The following CHD2 variants were observed in gnomAD, a reference collection of about 807,000 sequenced individuals.
The protein encoded by CHD2 is chromodomain helicase DNA binding protein 2.
In CHD2, 28 loss-of-function variants were observed where a neutral mutation model predicts 243.9. That is an observed-to-expected ratio of 0.11 (90% CI 0.09 to 0.16). The LOEUF (loss-of-function observed/expected upper bound fraction) is 0.16, where lower values mean the gene tolerates loss of function less well. Among genes scored for constraint, CHD2 ranks in the 10% least tolerant of loss-of-function variants. The probability of loss-of-function intolerance (pLI) is 1.00; values close to 1 mark genes in which losing one functional copy is unlikely to be tolerated. For missense variants in CHD2, 1,386 were observed against 2,209.8 expected, an observed-to-expected ratio of 0.63 and a Z score of 7.47; for synonymous variants, 775 against 779.0, an observed-to-expected ratio of 0.99 and a Z score of 0.09.
intron 31 of CHD2, among the ~76,000 whole-genome samples, chr15:92,999,719 A>G (rs2054229965): frequency 6.6e-6 from 1 of 152,144 alleles, no homozygotes; most frequent in Non-Finnish European, 1.5e-5. Context: ...GCAATATATT[A>G]TGTGTTAGGC....
chr15:92,985,405 G>C, intron 25 of CHD2, 93 bp from the exon 26 acceptor site: 4 of 1,289,090 alleles, frequency 3.1e-6, no homozygotes, highest in Non-Finnish European at 4.2e-6. Flanking sequence ...GAGAAGTTCT[G>C]AATACTAAAG....
At chr15:92,926,549 T>C (rs1567127854) in intron 3 of CHD2, among the ~76,000 whole-genome samples, 1 of 152,230 alleles carries the variant, frequency 6.6e-6, no homozygotes, top group Non-Finnish European at 1.5e-5. Flanking sequence ...ATGATTTTTC[T>C]CCTCAACTAA....
intron 14 of CHD2, 101 bp downstream of exon 14, chr15:92,953,674 T>C: frequency 9.3e-7 from 1 of 1,071,106 alleles, no homozygotes; most frequent in South Asian, 1.4e-5. Context: ...TTGTGGTTAT[T>C]ATTCTGATAC....
At chr15:92,944,256 G>C (rs1395435811) in intron 9 of CHD2, 159 bp from the exon 10 acceptor site, 1 of 475,042 alleles carries the variant, frequency 2.1e-6, no homozygotes, top group Non-Finnish European at 3.9e-6. Flanking sequence ...TGTTTGTTTT[G>C]TTTTGTAAAA....
chr15:92,928,081 A>G (rs551555894), intron 4 of CHD2, among the ~76,000 whole-genome samples: 10 of 152,348 alleles, frequency 6.6e-5, no homozygotes, highest in Non-Finnish European at 7.4e-5. Flanking sequence ...TTAGCTATAT[A>G]ACGTACTTCT....
intron 36 of CHD2, 132 bp from the exon 37 acceptor site, chr15:93,014,564 A>G (rs549498753): frequency 1.7e-4 from 123 of 721,464 alleles, no homozygotes; most frequent in Admixed American, 3.1e-4. Context: ...TTTTTTTGTT[A>G]GGAGGTAGTA....
Position 92,955,432 on chromosome 15 carries a change from T to G in CHD2, c.1729T>G (p.Tyr577Asp), listed in dbSNP as rs2141814817. Reference protein sequence around the residue: ...DLMSRNTIREYEWIHSQTKRL... With the variant: ...DLMSRNTIREDEWIHSQTKRL... ...TGTTTTTTTCTTATAGATACGGGAA[T>G]ATGAATGGATTCATTCCCAAACCAA... Residue 577 changes from tyrosine to aspartate, a missense_variant, in exon 15 of 39, where the codon TAT becomes GAT. Tyr to Asp is a radical substitution (Grantham distance 160). This residue lies in a region of CHD2 where 63 missense variants were observed against 108.8 expected (regional missense o/e 0.58). Transcript: ENST00000394196. The G allele has an allele frequency of 6.3e-7, 1 of 1,581,830 alleles. No individual in the cohort carries two copies.
At chr15:92,942,705 T>G in intron 8 of CHD2, 138 bp from the exon 9 acceptor site, 2 of 596,038 alleles carry the variant, frequency 3.4e-6, no homozygotes, top group Non-Finnish European at 5.6e-6. Context: ...GTGTTGTTTG[T>G]GAGTTTGTAC....
chr15:92,917,533 C>G (rs1430199990), intron 2 of CHD2, among the ~76,000 whole-genome samples: 1 of 152,204 alleles, frequency 6.6e-6, no homozygotes, highest in Admixed American at 6.5e-5. Context: ...TGCACTCCAG[C>G]CTGGGCTACA....
At chr15:92,964,424 A>G (rs1175959511) in intron 16 of CHD2, among the ~76,000 whole-genome samples, 1 of 152,218 alleles carries the variant, frequency 6.6e-6, no homozygotes, top group Non-Finnish European at 1.5e-5. Flanking sequence ...TCCTCAGCAG[A>G]AGTTCCTGAG....
intron 6 of CHD2, among the ~76,000 whole-genome samples, chr15:92,939,333 T>A (rs1322539402): frequency 6.6e-6 from 1 of 152,254 alleles, no homozygotes; most frequent in Non-Finnish European, 1.5e-5. Context: ...TTGTGAAACA[T>A]TCACGTTCTT....
intron 5 of CHD2, among the ~76,000 whole-genome samples, chr15:92,933,342 T>G (rs1475386122): frequency 6.6e-6 from 1 of 152,208 alleles, no homozygotes; most frequent in Non-Finnish European, 1.5e-5. Flanking sequence ...TTTGAGAAAA[T>G]TTGGTAATGC....
intron 31 of CHD2, 58 bp from the exon 32 acceptor site, chr15:93,000,454 G>C (rs1320197082): frequency 2.0e-6 from 3 of 1,517,620 alleles, no homozygotes; most frequent in African/African-American, 2.8e-5. Flanking sequence ...ATGTTGTTTG[G>C]TTATGCTTTT....
chr15:92,908,143 A>C (rs1262942505), intron 2 of CHD2, among the ~76,000 whole-genome samples: 209 of 109,950 alleles, frequency 1.9e-3, no homozygotes, highest in Middle Eastern at 5.7e-3. Flanking sequence ...ACCCACCCCC[A>C]CTCCCCCAAG....
At position 93,026,683 on chromosome 15, in the gene CHD2, T is replaced by G. The variant is rs926929147; in HGVS notation, c.*1978T>G. 1.3e-5 allele frequency: 2 copies of G among 152,242 alleles called. No homozygotes were observed. Among genetic ancestry groups the G allele is most frequent in the African/African-American group, 4.8e-5 (2 of 41,440 alleles). The allele number at this position is 152,242 out of a possible 1,614,324, so 9.4% of individuals were successfully genotyped here. ...CTGTGTCTCCACTTAGGCCACACAG[T>G]GATGAGGAAACCACAGATGGAGCTT... On this transcript the variant is annotated 3_prime_UTR_variant, in exon 39 of 39. Transcript: ENST00000394196.
rs745681615 is a variant in CHD2, at chr15:93,004,771, G to A, written c.4413+20G>A. 3.7e-6 allele frequency: 6 copies of A among 1,605,718 alleles called. No individual in the cohort carries two copies. Among genetic ancestry groups the A allele is most frequent in the Non-Finnish European group, 5.1e-6 (6 of 1,175,226 alleles). On this transcript the variant is annotated intron_variant, in intron 34 of 38. Coordinates refer to ENST00000394196, the MANE Select transcript of CHD2 (RefSeq NM_001271.4). ...AGCATAGTAAGTCTTGAAATCGGGG[G>A]GTGCCAGTGTCTGCAGCCGCGGTAC... is the stretch of plus-strand genomic sequence containing the variant.
rs74029221 is a variant in CHD2, at chr15:93,017,185, C to G, written c.4906+2276C>G. Among the ~76,000 whole-genome samples, 454 of 152,318 alleles carry G rather than the reference C, an allele frequency of 3.0e-3. 1 individual carries two copies. Among genetic ancestry groups the G allele is most frequent in the African/African-American group, 0.01 (434 of 41,576 alleles). On this transcript the variant is annotated intron_variant, in intron 37 of 38. Coordinates refer to ENST00000394196, the MANE Select transcript of CHD2 (RefSeq NM_001271.4). ...GCCTGGGAAAGACCCAGATCCTTAG[C>G]CTGTTGCAGGTGCTCAGGATCACTG...
chr15:92,936,982 G>A (rs1202399484), intron 5 of CHD2, among the ~76,000 whole-genome samples: 1 of 152,122 alleles, frequency 6.6e-6, no homozygotes, highest in East Asian at 1.9e-4. Flanking sequence ...AGCCTCCTTA[G>A]TAACTAGGAC....
intron 34 of CHD2, 98 bp from the exon 35 acceptor site, chr15:93,009,047 T>C: frequency 7.6e-7 from 1 of 1,311,534 alleles, no homozygotes; most frequent in East Asian, 2.5e-5. Context: ...TTATATGGCA[T>C]AGGGGTGGGC....
Sources: allele counts gnomAD v4.1 joint callset (sites outside exome capture counted in the v4.1 genomes callset), GRCh38; gene constraint gnomAD v4.1.1; regional missense constraint gnomAD v4.1.1; transcripts MANE v1.5; gene names NCBI Gene and HGNC (gene_info 2026-07-23, HGNC 2026-07-21).